EGLN3: variants seen among roughly 807,000 people sequenced by gnomAD.
EGLN3 encodes egl-9 family hypoxia inducible factor 3.
A neutral mutation model predicts 26.0 loss-of-function variants in EGLN3; 15 were observed. That is an observed-to-expected ratio of 0.58 (90% CI 0.39 to 0.89). The LOEUF (loss-of-function observed/expected upper bound fraction) is 0.89. EGLN3 is among the 40% of genes least tolerant of loss of function. EGLN3 has a pLI of 0.00. For missense variants in EGLN3, 238 were observed against 311.6 expected (o/e 0.76, Z 1.78); for synonymous variants, 147 against 127.2 (o/e 1.16, Z -1.05).
chr14:33,941,003 T>C (rs2064479307), intron 1 of EGLN3, among the ~76,000 whole-genome samples: 1 of 152,182 alleles, frequency 6.6e-6, no homozygotes, highest in African/African-American at 2.4e-5. Flanking sequence ...AAAGCAACTA[T>C]TTTCCTTCTC....
rs1385976868 is a variant in EGLN3 at position 33,931,086 on chromosome 14, T to C, written c.477+10A>G. The C allele has an allele frequency of 6.2e-7, 1 of 1,614,146 alleles. No homozygotes were observed. Among genetic ancestry groups the C allele is most frequent in the African/African-American group, 1.3e-5 (1 of 75,052 alleles). ...TAACCCCACACTCTACTCCCATTAT[T>C]CAAAAGTACCTTGGCATCCCAATTC... is the stretch of plus-strand genomic sequence containing the variant. On this transcript the variant is annotated intron_variant, in intron 2 of 4. Transcript: ENST00000250457.
intron 1 of EGLN3, among the ~76,000 whole-genome samples, chr14:33,945,219 G>A (rs1169072379): frequency 6.6e-6 from 1 of 152,164 alleles, no homozygotes; most frequent in East Asian, 1.9e-4. Flanking sequence ...GTGTTCCAGA[G>A]CTTCAAACTC....
At chr14:33,940,880 C>G (rs2064477734) in intron 1 of EGLN3, among the ~76,000 whole-genome samples, 1 of 152,154 alleles carries the variant, frequency 6.6e-6, no homozygotes, top group Admixed American at 6.5e-5. Flanking sequence ...TTGTAACTTT[C>G]TAGCATTGCT....
chr14:33,925,728 C>T lies in EGLN3; in HGVS notation c.*163G>A. ...TATCTGAAGATCAACACAGTCTTGGCAAGAAAACATGAAGTACCACACACA... is the reference window on the plus strand; with the variant it reads ...TATCTGAAGATCAACACAGTCTTGGTAAGAAAACATGAAGTACCACACACA... On this transcript the variant is annotated 3_prime_UTR_variant, in exon 5 of 5. Coordinates refer to ENST00000250457, the MANE Select transcript of EGLN3 (RefSeq NM_022073.4). 1 of 757,210 alleles carries T rather than the reference C, an allele frequency of 1.3e-6. No homozygotes were observed. The highest frequency in any genetic ancestry group is 1.8e-5 in the South Asian group (1 of 54,646). The allele number at this position is 757,210 out of a possible 1,614,324, so 46.9% of individuals were successfully genotyped here.
intron 1 of EGLN3, among the ~76,000 whole-genome samples, chr14:33,944,951 C>T (rs140167520): frequency 6.6e-6 from 1 of 152,326 alleles, no homozygotes; most frequent in African/African-American, 2.4e-5. Flanking sequence ...AACACACACA[C>T]CCTCCTGCCT....
intron 1 of EGLN3, among the ~76,000 whole-genome samples, chr14:33,936,037 C>A (rs2064439985): frequency 6.6e-6 from 1 of 152,062 alleles, no homozygotes; most frequent in African/African-American, 2.4e-5. Flanking sequence ...TCAAGACCAG[C>A]CTAACCAACA....
intron 1 of EGLN3, among the ~76,000 whole-genome samples, chr14:33,938,003 T>A (rs1271552682): frequency 6.6e-6 from 1 of 152,180 alleles, no homozygotes; most frequent in Non-Finnish European, 1.5e-5. Context: ...AGCTTCAGGA[T>A]CATTAACTAC....
In EGLN3 at chr14:33,929,193, C is replaced by T. The variant is rs772658519; in HGVS notation, c.497G>A (p.Arg166Gln). ...GAATGATTTCCCCTCTGGAAATATC[C>T]GCAGGATCCCACCATGTAGCTGAAA... ...WDAKLHGGIL[R>Q]IFPEGKSFIA... The change falls in exon 3 of 5, where the codon CGG becomes CAG. Residue 166 changes from arginine to glutamine, a missense_variant. Coordinates refer to ENST00000250457, the MANE Select transcript of EGLN3 (RefSeq NM_022073.4). The T allele has an allele frequency of 3.1e-6, 5 of 1,614,172 alleles. No homozygotes were observed. Among genetic ancestry groups the T allele is most frequent in the Non-Finnish European group, 3.4e-6 (4 of 1,180,024 alleles).
rs749575388 is a variant in EGLN3, at chr14:33,950,600, G to GT, written c.152dup (p.His51GlnfsTer69). On this transcript the variant is annotated frameshift_variant, in exon 1 of 5. Coordinates refer to ENST00000250457, the MANE Select transcript of EGLN3 (RefSeq NM_022073.4). LOFTEE classifies it high-confidence loss of function. ...GGCCGTCCCGCAGGGCCCCGGTGCA[G>GT]TGCAGCTGCTTGACGCGCTCCAGGA... The GT allele has an allele frequency of 6.2e-7, 1 of 1,613,584 alleles. No individual in the cohort carries two copies. The highest frequency in any genetic ancestry group is 1.1e-5 in the South Asian group (1 of 91,082).
intron 1 of EGLN3, among the ~76,000 whole-genome samples, chr14:33,942,510 T>TCTCTA (rs2064490575): frequency 6.6e-6 from 1 of 152,206 alleles, no homozygotes; most frequent in African/African-American, 2.4e-5. Context: ...CAGAACCCCA[T>TCTCTA]CTCTATAAAA....
chr14:33,943,858 G>A (rs946193065), intron 1 of EGLN3, among the ~76,000 whole-genome samples: 4 of 152,116 alleles, frequency 2.6e-5, no homozygotes, highest in African/African-American at 9.7e-5. Flanking sequence ...GTTTTTCCAG[G>A]AGATTCAGGA....
In EGLN3 at chr14:33,929,151, G is replaced by C. The variant is rs2064383999; in HGVS notation, c.539C>G (p.Pro180Arg). ...EGKSFIADVE[P>R]IFDRLLFFWS... ...GAAGAACAGGAGTCTGTCAAAAATG[G>C]GCTCCACATCTGCTATGAATGATTT... Residue 180 changes from proline (P) to arginine (R), a missense_variant, in exon 3 of 5, where the codon CCC becomes CGC. Transcript: ENST00000250457. The C allele has an allele frequency of 6.2e-7, 1 of 1,614,022 alleles. No individual in the cohort carries two copies. Among genetic ancestry groups the C allele is most frequent in the Non-Finnish European group, 8.5e-7 (1 of 1,180,030 alleles).
chr14:33,939,208 C>CTTT lies in EGLN3; in HGVS notation c.358-7996_358-7994dup, dbSNP rs71433637. Among the ~76,000 whole-genome samples the CTTT allele has an allele frequency of 1.6e-3, 215 of 131,068 alleles. 1 individual carries two copies. Among genetic ancestry groups the CTTT allele is most frequent in the South Asian group, 7.6e-3 (34 of 4,450 alleles). The allele number at this position is 131,068 out of a possible 152,430, so 86.0% of individuals were successfully genotyped here. ...ATGAAAAATGCCTTGAAACAATCAT[C>CTTT]TTTTTTTTTTTTTCTTTTTTGAGAC... On this transcript the variant is annotated intron_variant, in intron 1 of 4. Coordinates refer to ENST00000250457, the MANE Select transcript of EGLN3 (RefSeq NM_022073.4).
At chr14:33,926,616 A>C (rs2064364165) in intron 4 of EGLN3, among the ~76,000 whole-genome samples, 2 of 152,230 alleles carry the variant, frequency 1.3e-5, no homozygotes, top group South Asian at 4.1e-4. Flanking sequence ...TTTTGCCATC[A>C]TAACTGGGTT....
chr14:33,931,250 G>T, intron 1 of EGLN3, 35 bp from the exon 2 acceptor site: 1 of 1,613,710 alleles, frequency 6.2e-7, no homozygotes. Context: ...GGTTAACAAA[G>T]CTGAGACAGA....
At chr14:33,942,286 A>C (rs1430284272) in intron 1 of EGLN3, among the ~76,000 whole-genome samples, 2 of 149,704 alleles carry the variant, frequency 1.3e-5, no homozygotes, top group Non-Finnish European at 3.0e-5. Context: ...AAAGGAAAGA[A>C]AGTTTAGTTA....
chr14:33,929,211 A>T lies in EGLN3; in HGVS notation c.479T>A (p.Leu160Gln). 1.9e-6 allele frequency: 3 copies of T among 1,614,032 alleles called. No individual in the cohort carries two copies. Among genetic ancestry groups the T allele is most frequent in the Non-Finnish European group, 2.5e-6 (3 of 1,179,978 alleles). Reference sequence around the variant, plus strand: ...AAATATCCGCAGGATCCCACCATGTAGCTGAAAGACACAAAGAAGGGGGAT... The same window carrying T: ...AAATATCCGCAGGATCCCACCATGTTGCTGAAAGACACAAAGAAGGGGGAT... Reference protein sequence around the residue: ...YYLNKNWDAKLHGGILRIFPE... With the variant: ...YYLNKNWDAKQHGGILRIFPE... The change falls in exon 3 of 5, where the codon CTA (leucine) becomes CAA (glutamine). Residue 160 changes from leucine (L) to glutamine (Q), a missense_variant and splice_region_variant. Physicochemically the swap from Leu to Gln is moderately radical, Grantham distance 113. Transcript: ENST00000250457.
In EGLN3 at chr14:33,926,440, G is replaced by C. The variant is rs998205910; in HGVS notation, c.689-518C>G. Reference sequence around the variant, plus strand: ...AACATTTCCCACATTTTTGGGACCAGGAATTTACCAAATTGGCAGGATTTG... The same window carrying C: ...AACATTTCCCACATTTTTGGGACCACGAATTTACCAAATTGGCAGGATTTG... On this transcript the variant is annotated intron_variant, in intron 4 of 4. Coordinates refer to ENST00000250457, the MANE Select transcript of EGLN3 (RefSeq NM_022073.4). Among the ~76,000 whole-genome samples, 27 of 152,162 alleles carry C rather than the reference G, an allele frequency of 1.8e-4. 1 individual carries two copies. The highest frequency in any genetic ancestry group is 1.8e-3 in the Admixed American group (27 of 15,274).
intron 1 of EGLN3, chr14:33,950,102 C>T: frequency 1.7e-6 from 1 of 591,254 alleles, no homozygotes; most frequent in Non-Finnish European, 3.0e-6. Context: ...AGAACCTCGT[C>T]TTAAAATCGG....
Sources: gnomAD v4.1 joint callset for allele counts (sites outside exome capture counted in the v4.1 genomes callset) on GRCh38, gnomAD v4.1.1 for gene constraint, MANE v1.5 for transcripts, NCBI Gene and HGNC (gene_info 2026-07-23, HGNC 2026-07-21) for gene names.